Variants in TNIK observed in about 807,000 individuals in gnomAD.
The protein encoded by TNIK is TRAF2 and NCK interacting kinase.
TNIK carries 49 observed loss-of-function variants against 191.3 expected under a neutral mutation model. The observed-to-expected ratio is 0.26, with a 90% CI of 0.20 to 0.32. TNIK has a LOEUF of 0.32. Ranked by LOEUF, TNIK falls within the 10% of genes least tolerant of loss-of-function variation. The pLI is 1.00. For synonymous variants in TNIK, 594 were observed against 600.9 expected (o/e 0.99, Z 0.17); for missense variants, 1,155 against 1,702.3 (o/e 0.68, Z 5.66).
At chr3:171,378,433 A>G (rs904114210) in intron 1 of TNIK, among the ~76,000 whole-genome samples, 9 of 152,218 alleles carry the variant, frequency 5.9e-5, no homozygotes, top group African/African-American at 2.2e-4. Context: ...GGATTACTTG[A>G]TATAATAATT....
chr3:171,219,051 T>G (rs1453144616), intron 3 of TNIK, among the ~76,000 whole-genome samples: 1 of 119,856 alleles, frequency 8.3e-6, no homozygotes, highest in Non-Finnish European at 1.6e-5. Context: ...AAATTATATT[T>G]AATATAATAT....
intron 1 of TNIK, among the ~76,000 whole-genome samples, chr3:171,422,687 T>G (rs1723987675): frequency 6.6e-6 from 1 of 152,224 alleles, no homozygotes; most frequent in Admixed American, 6.5e-5. Context: ...GACCCTAAGT[T>G]AGCCTTGACC....
chr3:171,302,103 A>C (rs1752950356), intron 2 of TNIK, among the ~76,000 whole-genome samples: 2 of 152,126 alleles, frequency 1.3e-5, no homozygotes, highest in Non-Finnish European at 2.9e-5. Context: ...CTATTTTAAA[A>C]GGGGTGGAGG....
intron 1 of TNIK, among the ~76,000 whole-genome samples, chr3:171,388,047 A>G (rs964855269): frequency 5.3e-5 from 8 of 152,172 alleles, no homozygotes; most frequent in Non-Finnish European, 1.2e-4. Context: ...CTAATTGACT[A>G]TTTAATGTGT....
chr3:171,252,933 A>G (rs1048347110), intron 2 of TNIK, among the ~76,000 whole-genome samples: 4 of 152,234 alleles, frequency 2.6e-5, no homozygotes, highest in East Asian at 1.9e-4. Context: ...TTCATGTTTT[A>G]GAATGCATAG....
At chr3:171,369,152 T>C (rs1394813927) in intron 2 of TNIK, among the ~76,000 whole-genome samples, 2 of 152,206 alleles carry the variant, frequency 1.3e-5, no homozygotes, top group African/African-American at 4.8e-5. Context: ...TCGTCGCTGC[T>C]ATTAAGCTTT....
intron 1 of TNIK, among the ~76,000 whole-genome samples, chr3:171,398,996 T>A (rs993700969): frequency 6.6e-6 from 1 of 152,166 alleles, no homozygotes; most frequent in Non-Finnish European, 1.5e-5. Context: ...CCACAGTAGG[T>A]CACTTCTCTG....
intron 5 of TNIK, 90 bp downstream of exon 5, chr3:171,194,435 A>T: frequency 8.8e-7 from 1 of 1,141,188 alleles, no homozygotes; most frequent in Admixed American, 2.1e-5. Flanking sequence ...GAATTTCACT[A>T]GAAAGTCAGA....
chr3:171,260,434 C>T (rs1306911917), intron 2 of TNIK, among the ~76,000 whole-genome samples: 1 of 152,154 alleles, frequency 6.6e-6, no homozygotes, highest in East Asian at 1.9e-4. Context: ...GAAATGGCAT[C>T]CCTTCCCATC....
intron 10 of TNIK, among the ~76,000 whole-genome samples, chr3:171,165,777 T>C (rs113024612): frequency 3.5e-4 from 53 of 152,238 alleles, no homozygotes; most frequent in African/African-American, 1.3e-3. Context: ...CTCACCACAC[T>C]GTTAATGCTC....
intron 1 of TNIK, among the ~76,000 whole-genome samples, chr3:171,416,805 G>C (rs1723146843): frequency 6.6e-6 from 1 of 152,056 alleles, no homozygotes; most frequent in East Asian, 1.9e-4. Flanking sequence ...TATTTCCTAG[G>C]CCTGTCCTTT....
intron 2 of TNIK, among the ~76,000 whole-genome samples, chr3:171,353,639 G>A (rs140330074): frequency 0.01 from 1,532 of 152,024 alleles, 14 homozygotes; most frequent in Middle Eastern, 0.082. Context: ...GATGACTCAG[G>A]ATTAAAAAAA....
chr3:171,434,894 A>T (rs1381976254), intron 1 of TNIK, among the ~76,000 whole-genome samples: 1 of 152,240 alleles, frequency 6.6e-6, no homozygotes, highest in Non-Finnish European at 1.5e-5. Context: ...TTTAAAAAGA[A>T]CATGCATTAA....
At chr3:171,140,563 T>C in intron 12 of TNIK, 54 bp from the exon 13 acceptor site, 1 of 1,548,504 alleles carries the variant, frequency 6.5e-7, no homozygotes, top group East Asian at 2.2e-5. Flanking sequence ...GTGGGGGGTG[T>C]CAGGGAGCCA....
At chr3:171,236,738 G>A (rs1222991494) in intron 2 of TNIK, among the ~76,000 whole-genome samples, 2 of 152,100 alleles carry the variant, frequency 1.3e-5, no homozygotes, top group Non-Finnish European at 2.9e-5. Context: ...TTCCCCTCAG[G>A]ACCTCTGGCA....
intron 1 of TNIK, among the ~76,000 whole-genome samples, chr3:171,443,454 A>C (rs1455310463): frequency 6.6e-6 from 1 of 152,202 alleles, no homozygotes; most frequent in African/African-American, 2.4e-5. Flanking sequence ...CTAGAAAGGA[A>C]ACTGCTCCAA....
intron 21 of TNIK, among the ~76,000 whole-genome samples, chr3:171,103,251 G>C (rs544530233): frequency 1.3e-5 from 2 of 152,082 alleles, no homozygotes; most frequent in East Asian, 1.9e-4. Context: ...CTCCATCTGT[G>C]AAAGTGAAAA....
chr3:171,341,371 C>T (rs886585005), intron 2 of TNIK, among the ~76,000 whole-genome samples: 8 of 150,796 alleles, frequency 5.3e-5, no homozygotes, highest in Non-Finnish European at 7.4e-5. Context: ...ATTTGGGAGG[C>T]TGAGGCAGGA....
chr3:171,095,025 T>G (rs946383571), intron 22 of TNIK, among the ~76,000 whole-genome samples: 1 of 152,196 alleles, frequency 6.6e-6, no homozygotes, highest in African/African-American at 2.4e-5. Flanking sequence ...ACTAAGAACA[T>G]TCTGGCTTAT....
Sources: gnomAD v4.1 joint callset for allele counts (sites outside exome capture counted in the v4.1 genomes callset) on GRCh38, gnomAD v4.1.1 for gene constraint, MANE v1.5 for transcripts, NCBI Gene and HGNC (gene_info 2026-07-23, HGNC 2026-07-21) for gene names.